CAMTA1: variants seen among roughly 807,000 people sequenced by gnomAD.
The protein encoded by CAMTA1 is calmodulin-binding transcription activator 1.
Under a neutral mutation model 170.9 loss-of-function variants are expected in CAMTA1, and 27 were observed. That is an observed-to-expected ratio of 0.16 (90% CI 0.12 to 0.22). The LOEUF (loss-of-function observed/expected upper bound fraction) is 0.22, where lower values mean the gene tolerates loss of function less well. CAMTA1 is among the 10% of genes least tolerant of loss of function. The pLI is 1.00. For synonymous variants in CAMTA1, 833 were observed against 891.5 expected, an observed-to-expected ratio of 0.93 and a Z score of 1.17; for missense variants, 1,619 against 2,217.2, an observed-to-expected ratio of 0.73 and a Z score of 5.42.
At position 7,248,441 on chromosome 1, in the gene CAMTA1, A is replaced by T. The variant is rs987107466; in HGVS notation, c.303-1050A>T. Reference sequence around the variant, plus strand: ...CTGCACTGGCCTCGTGGTGCGCAGAATCGCTGGCATTCCTCTTCCCCTGCT... The same window carrying T: ...CTGCACTGGCCTCGTGGTGCGCAGATTCGCTGGCATTCCTCTTCCCCTGCT... On this transcript the variant is annotated intron_variant, in intron 4 of 22. Coordinates refer to ENST00000303635, the MANE Select transcript of CAMTA1 (RefSeq NM_015215.4). This position sits in a 1 kb window ranked among gnomAD's most constrained non-coding sequence, Gnocchi z 4.0. 6.6e-6 allele frequency among the ~76,000 whole-genome samples: 1 copy of T among 152,210 alleles called. No homozygotes were observed. Among genetic ancestry groups the T allele is most frequent in the Non-Finnish European group, 1.5e-5 (1 of 68,032 alleles).
intron 5 of CAMTA1, among the ~76,000 whole-genome samples, chr1:7,276,607 G>A (rs917945538): frequency 9.2e-5 from 14 of 151,684 alleles, no homozygotes; most frequent in African/African-American, 3.4e-4. Flanking sequence ...CCGTGCCCAG[G>A]CACCTGATCA....
chr1:6,802,739 T>TC (rs1453753295), intron 1 of CAMTA1, among the ~76,000 whole-genome samples: 7 of 148,222 alleles, frequency 4.7e-5, no homozygotes, highest in African/African-American at 1.3e-4. Flanking sequence ...TCTCTCTCTC[T>TC]CTTTTTTTTT....
At chr1:7,018,966 C>G (rs896447357) in intron 3 of CAMTA1, among the ~76,000 whole-genome samples, 1 of 152,168 alleles carries the variant, frequency 6.6e-6, no homozygotes, top group East Asian at 1.9e-4. Flanking sequence ...GACCCGAGGA[C>G]ACCCTCCTGG....
At chr1:7,462,425 C>A (rs1005986636) in intron 5 of CAMTA1, among the ~76,000 whole-genome samples, 2 of 152,100 alleles carry the variant, frequency 1.3e-5, no homozygotes, top group Admixed American at 1.3e-4. Flanking sequence ...GCCATCACGC[C>A]GGCTAATTTT....
intron 4 of CAMTA1, among the ~76,000 whole-genome samples, chr1:7,172,133 G>T (rs1649742937): frequency 6.6e-6 from 1 of 152,034 alleles, no homozygotes. Context: ...TCAAGTGGAG[G>T]TGGAGATCTT....
chr1:7,028,662 C>T (rs1220267631), intron 3 of CAMTA1, among the ~76,000 whole-genome samples: 1 of 152,204 alleles, frequency 6.6e-6, no homozygotes, highest in African/African-American at 2.4e-5. Context: ...CATGCCCAAC[C>T]TGTTGAACAG....
At chr1:7,338,995 A>G (rs1327118805) in intron 5 of CAMTA1, among the ~76,000 whole-genome samples, 2 of 152,168 alleles carry the variant, frequency 1.3e-5, no homozygotes, top group Non-Finnish European at 2.9e-5. Flanking sequence ...ATGAGAGAGA[A>G]CAGGGAGGCG....
chr1:7,664,635 G>A lies in CAMTA1; in HGVS notation c.2088G>A (p.Gln696=). 1.2e-6 allele frequency: 2 copies of A among 1,607,578 alleles called. No individual in the cohort carries two copies. Among genetic ancestry groups the A allele is most frequent in the Non-Finnish European group, 1.7e-6 (2 of 1,175,388 alleles). ...GGGAGGTCACCATGGAGACCTCGCAGGCGGCGGAAGGGAGCGAGGTCCTGC... is the reference window on the plus strand; with the variant it reads ...GGGAGGTCACCATGGAGACCTCGCAAGCGGCGGAAGGGAGCGAGGTCCTGC... ...AEGEVTMETS[Q]AAEGSEVLLK... Residue 696 remains glutamine (Q), a synonymous_variant, in exon 9 of 23, where the codon CAG becomes CAA. Coordinates refer to ENST00000303635, the MANE Select transcript of CAMTA1 (RefSeq NM_015215.4).
At chr1:6,881,957 ACT>A (rs1468742410) in intron 3 of CAMTA1, among the ~76,000 whole-genome samples, 1 of 151,900 alleles carries the variant, frequency 6.6e-6, no homozygotes, top group Non-Finnish European at 1.5e-5. Flanking sequence ...ACAGTGTGAG[ACT>A]CTGTCTCAAA....
At chr1:7,361,686 T>G (rs1384417631) in intron 5 of CAMTA1, among the ~76,000 whole-genome samples, 2 of 152,234 alleles carry the variant, frequency 1.3e-5, no homozygotes, top group African/African-American at 4.8e-5. Context: ...TACATTAAAC[T>G]TTTATGCATG....
At chr1:7,139,235 T>C (rs1424642860) in intron 4 of CAMTA1, among the ~76,000 whole-genome samples, 1 of 88,238 alleles carries the variant, frequency 1.1e-5, no homozygotes, top group Non-Finnish European at 2.8e-5. Flanking sequence ...TATAAATATA[T>C]ATTTATATTT....
At chr1:7,500,393 G>A (rs370555880) in intron 6 of CAMTA1, among the ~76,000 whole-genome samples, 4 of 143,092 alleles carry the variant, frequency 2.8e-5, no homozygotes, top group Non-Finnish European at 4.6e-5. Context: ...ATGTGTGTCC[G>A]TGAGTGAGTG....
intron 5 of CAMTA1, among the ~76,000 whole-genome samples, chr1:7,391,965 C>T (rs890371725): frequency 6.6e-6 from 1 of 152,202 alleles, no homozygotes; most frequent in Non-Finnish European, 1.5e-5. Flanking sequence ...GGACTCTACA[C>T]ATTTGCATAC....
At position 7,519,834 on chromosome 1, in the gene CAMTA1, T is replaced by C. The variant is rs111724552; in HGVS notation, c.510+51933T>C. ...AAACCTGGTCAGTTCTACTCCTACA[T>C]GTTCCGCAGTGGTCCCTGCCCCTCT... On this transcript the variant is annotated intron_variant, in intron 6 of 22. Coordinates refer to ENST00000303635, the MANE Select transcript of CAMTA1 (RefSeq NM_015215.4). Among the ~76,000 whole-genome samples, 1,217 of 151,630 alleles carry C rather than the reference T, an allele frequency of 8.0e-3. 28 individuals are homozygous for C. Among genetic ancestry groups the C allele is most frequent in the African/African-American group, 0.028 (1,161 of 41,064 alleles).
chr1:6,861,938 A>T (rs1048448016), intron 3 of CAMTA1, among the ~76,000 whole-genome samples: 2 of 151,582 alleles, frequency 1.3e-5, no homozygotes, highest in African/African-American at 4.9e-5. Context: ...TAAGTACCTC[A>T]TAAAGTGAAG....
intron 19 of CAMTA1, among the ~76,000 whole-genome samples, chr1:7,750,703 G>A (rs1167115579): frequency 6.6e-6 from 1 of 152,196 alleles, no homozygotes; most frequent in Non-Finnish European, 1.5e-5. Flanking sequence ...TTCATGATAA[G>A]CCTTGTATTT....
rs146677486 is a variant in CAMTA1, at chr1:7,431,593, C to T, written c.439-36237C>T. Among the ~76,000 whole-genome samples, 393 of 152,316 alleles carry T rather than the reference C, an allele frequency of 2.6e-3. 1 individual carries two copies. The highest frequency in any genetic ancestry group is 9.2e-3 in the African/African-American group (381 of 41,570). On this transcript the variant is annotated intron_variant, in intron 5 of 22. Transcript: ENST00000303635. ...ATTCCCAACTGCCCTCCCGAATGGA[C>T]GGCCACTTTGGGGTGGGCGCCAGGC...
chr1:7,413,855 C>T lies in CAMTA1; in HGVS notation c.439-53975C>T, dbSNP rs1248881893. Among the ~76,000 whole-genome samples, 68 of 152,154 alleles carry T rather than the reference C, an allele frequency of 4.5e-4. 1 individual carries two copies. Among genetic ancestry groups the T allele is most frequent in the Admixed American group, 4.4e-3 (67 of 15,278 alleles). The stretch of plus-strand genomic sequence containing the variant: ...GTGCCAGTTTTCAAAGGGAATGCTT[C>T]CAGTTTTTGCCCATTCAGTATGATA... On this transcript the variant is annotated intron_variant, in intron 5 of 22. Coordinates refer to ENST00000303635, the MANE Select transcript of CAMTA1 (RefSeq NM_015215.4).
rs140391408 is a variant in CAMTA1 at position 6,855,109 on chromosome 1, C to A, written c.234+29899C>A. On this transcript the variant is annotated intron_variant, in intron 3 of 22. Coordinates refer to ENST00000303635, the MANE Select transcript of CAMTA1 (RefSeq NM_015215.4). ...TGTATATGTAGAAAATTAAAAAAAA[C>A]CTCTTTATAACTTATTATAAATAAT... Among the ~76,000 whole-genome samples the A allele has an allele frequency of 1.1e-4, 16 of 152,088 alleles. No homozygotes were observed. The East Asian group carries it at 2.7e-3, about 26-fold the overall frequency.
Sources: gnomAD v4.1 joint callset for allele counts (sites outside exome capture counted in the v4.1 genomes callset) on GRCh38, gnomAD v4.1.1 for gene constraint, Gnocchi (gnomAD v3.1) non-coding constraint, MANE v1.5 for transcripts, NCBI Gene and HGNC (gene_info 2026-07-23, HGNC 2026-07-21) for gene names.